FOXP1: variants seen among roughly 807,000 people sequenced by gnomAD.
FOXP1 encodes the protein forkhead box P1.
FOXP1 carries 15 observed loss-of-function variants against 98.2 expected under a neutral mutation model. That is an observed-to-expected ratio of 0.15 (90% CI 0.10 to 0.24). FOXP1 has a LOEUF of 0.24. Among genes scored for constraint, FOXP1 ranks in the 10% least tolerant of loss-of-function variants. FOXP1 has a pLI of 1.00. For missense variants in FOXP1, 633 were observed against 848.5 expected (o/e 0.75, Z 3.15); for synonymous variants, 371 against 314.5 (o/e 1.18, Z -1.90).
At chr3:71,272,617 A>G (rs1305090563) in intron 5 of FOXP1, among the ~76,000 whole-genome samples, 1 of 151,254 alleles carries the variant, frequency 6.6e-6, no homozygotes, top group Non-Finnish European at 1.5e-5. Context: ...TTCCTTCAAA[A>G]CTAGAAATTC....
intron 3 of FOXP1, among the ~76,000 whole-genome samples, chr3:71,437,531 T>C (rs1182908341): frequency 6.6e-6 from 1 of 152,146 alleles, no homozygotes; most frequent in Admixed American, 6.6e-5. Context: ...GAATGGCAGA[T>C]GCACTGGACT....
intron 7 of FOXP1, among the ~76,000 whole-genome samples, chr3:71,102,877 T>A (rs1352063145): frequency 6.6e-6 from 1 of 152,176 alleles, no homozygotes; most frequent in Admixed American, 6.5e-5. Context: ...GCTCTGCCAC[T>A]TATCAGCTGT....
At chr3:71,428,118 G>A (rs769222610) in intron 3 of FOXP1, among the ~76,000 whole-genome samples, 1 of 152,122 alleles carries the variant, frequency 6.6e-6, no homozygotes, top group Non-Finnish European at 1.5e-5. Context: ...GTGTGATAAG[G>A]GAAGAGCCCT....
chr3:71,272,817 C>T (rs972273148), intron 5 of FOXP1, among the ~76,000 whole-genome samples: 4 of 152,088 alleles, frequency 2.6e-5, no homozygotes, highest in African/African-American at 9.7e-5. Flanking sequence ...TCCAGGATTG[C>T]TGCAGATACC....
rs1191054380 is a variant in FOXP1, at chr3:70,988,094, G to A, written c.1063-17C>T. 1.2e-6 allele frequency: 2 copies of A among 1,611,326 alleles called. No individual in the cohort carries two copies. The highest frequency in any genetic ancestry group is 1.7e-6 in the Non-Finnish European group (2 of 1,177,532). ...TTTTGCAAGCTGGCAAGAAGAAAAT[G>A]CTTTGTTATTTCTCTGAATAAAGAT... On this transcript the variant is annotated splice_polypyrimidine_tract_variant and intron_variant, in intron 13 of 20. Coordinates refer to ENST00000649528, the MANE Select transcript of FOXP1 (RefSeq NM_001349338.3).
At chr3:71,494,574 T>C (rs2091280362) in intron 2 of FOXP1, among the ~76,000 whole-genome samples, 1 of 152,114 alleles carries the variant, frequency 6.6e-6, no homozygotes. Context: ...AGGCTTCCAT[T>C]CCTCTCCAAT....
At chr3:71,540,508 T>C (rs540755497) in intron 2 of FOXP1, among the ~76,000 whole-genome samples, 1 of 152,354 alleles carries the variant, frequency 6.6e-6, no homozygotes, top group African/African-American at 2.4e-5. Flanking sequence ...AGATAATCAA[T>C]TAAAATAATA....
At chr3:71,467,927 C>T (rs1211907984) in intron 3 of FOXP1, among the ~76,000 whole-genome samples, 2 of 152,164 alleles carry the variant, frequency 1.3e-5, no homozygotes, top group South Asian at 2.1e-4. Flanking sequence ...CTACAAGGTT[C>T]CACAGATTCC....
chr3:71,032,952 T>C (rs2047069086), intron 11 of FOXP1, among the ~76,000 whole-genome samples: 1 of 152,154 alleles, frequency 6.6e-6, no homozygotes, highest in Non-Finnish European at 1.5e-5. Flanking sequence ...CTGTCTAATT[T>C]AAGTGGTGAA....
intron 5 of FOXP1, among the ~76,000 whole-genome samples, chr3:71,216,515 G>A (rs1158326933): frequency 6.6e-6 from 1 of 152,096 alleles, no homozygotes; most frequent in Non-Finnish European, 1.5e-5. Flanking sequence ...AAGATCTTAA[G>A]GTATAGTAGC....
At chr3:71,118,876 T>G (rs1235515769) in intron 6 of FOXP1, among the ~76,000 whole-genome samples, 1 of 152,252 alleles carries the variant, frequency 6.6e-6, no homozygotes, top group East Asian at 1.9e-4. Context: ...TGGCTACTTT[T>G]GTGCTACAAA....
intron 17 of FOXP1, 39 bp downstream of exon 17, chr3:70,976,896 TATGAAC>T: frequency 1.5e-6 from 2 of 1,378,950 alleles, no homozygotes; most frequent in Non-Finnish European, 2.1e-6. Context: ...CAAACTGTTC[TATGAAC>T]GTCAAGATCC....
chr3:71,101,016 GAA>G (rs1257405009), intron 7 of FOXP1, among the ~76,000 whole-genome samples: 1 of 152,100 alleles, frequency 6.6e-6, no homozygotes. Context: ...TGACGGGTTG[GAA>G]AAAGTCTTTG....
intron 7 of FOXP1, among the ~76,000 whole-genome samples, chr3:71,086,563 A>G (rs535109258): frequency 3.3e-5 from 5 of 152,326 alleles, no homozygotes; most frequent in South Asian, 2.1e-4. Flanking sequence ...TAGCTGGTCC[A>G]GAGATAACGG....
chr3:71,352,536 T>A (rs949872858), intron 4 of FOXP1, among the ~76,000 whole-genome samples: 3 of 149,040 alleles, frequency 2.0e-5, no homozygotes, highest in African/African-American at 4.9e-5. Context: ...GTCCAGATCC[T>A]ACTTTGCTCC....
chr3:71,439,118 G>C (rs1017486503), intron 3 of FOXP1, among the ~76,000 whole-genome samples: 13 of 152,228 alleles, frequency 8.5e-5, no homozygotes, highest in African/African-American at 2.4e-4. Flanking sequence ...GACAGGCAGT[G>C]AGGGTGCCAG....
intron 7 of FOXP1, among the ~76,000 whole-genome samples, chr3:71,098,577 C>A (rs1414673815): frequency 6.6e-6 from 1 of 152,152 alleles, no homozygotes; most frequent in Non-Finnish European, 1.5e-5. Context: ...GAAGCCTCTT[C>A]AACTGTGAAC....
chr3:71,309,965 G>C (rs1210204760), intron 4 of FOXP1, among the ~76,000 whole-genome samples: 1 of 152,078 alleles, frequency 6.6e-6, no homozygotes, highest in East Asian at 1.9e-4. Flanking sequence ...TTACTTTTGG[G>C]GGGCACTAAA....
chr3:71,561,252 C>T (rs2046511806), intron 2 of FOXP1, among the ~76,000 whole-genome samples: 1 of 151,978 alleles, frequency 6.6e-6, no homozygotes, highest in Non-Finnish European at 1.5e-5. Context: ...GACGGGATTT[C>T]ACCTTGTTGG....
Sources: allele counts gnomAD v4.1 joint callset (sites outside exome capture counted in the v4.1 genomes callset), GRCh38; gene constraint gnomAD v4.1.1; transcripts MANE v1.5; gene names NCBI Gene and HGNC (gene_info 2026-07-23, HGNC 2026-07-21).